Variants in GABBR2 observed in about 807,000 individuals in gnomAD.
GABBR2 encodes the protein gamma-aminobutyric acid type B receptor subunit 2.
GABBR2 carries 23 observed loss-of-function variants against 105.6 expected under a neutral mutation model. That is an observed-to-expected ratio of 0.22 (90% CI 0.16 to 0.31). The LOEUF (loss-of-function observed/expected upper bound fraction) is 0.31, where lower values mean the gene tolerates loss of function less well. Among genes scored for constraint, GABBR2 ranks in the 10% least tolerant of loss-of-function variants. The pLI, the probability that GABBR2 is intolerant of heterozygous loss-of-function variation, is 1.00. For missense variants in GABBR2, 734 were observed against 1,245.5 expected (o/e 0.59, Z 6.18); for synonymous variants, 478 against 499.7 (o/e 0.96, Z 0.58).
At chr9:98,585,238 A>C (rs990618094) in intron 1 of GABBR2, among the ~76,000 whole-genome samples, 1 of 152,038 alleles carries the variant, frequency 6.6e-6, no homozygotes, top group African/African-American at 2.4e-5. Flanking sequence ...CTTGGAACCA[A>C]CCTAAATGTC....
intron 2 of GABBR2, among the ~76,000 whole-genome samples, chr9:98,548,480 G>T (rs1376296377): frequency 8.7e-6 from 1 of 114,964 alleles, no homozygotes; most frequent in African/African-American, 2.8e-5. Flanking sequence ...TTTCATGTGG[G>T]AAGTCTCTGC....
intron 7 of GABBR2, among the ~76,000 whole-genome samples, chr9:98,418,502 T>A (rs1334642255): frequency 6.6e-6 from 1 of 151,966 alleles, no homozygotes; most frequent in Non-Finnish European, 1.5e-5. Flanking sequence ...GCCAGTGTAC[T>A]CCAGCCTGGG....
chr9:98,597,524 T>C (rs1157955072), intron 1 of GABBR2, among the ~76,000 whole-genome samples: 4 of 152,110 alleles, frequency 2.6e-5, no homozygotes, highest in African/African-American at 2.4e-5. Context: ...AGAGTTTACA[T>C]AACCAACTCC....
chr9:98,379,120 G>A (rs1420234014), intron 11 of GABBR2, among the ~76,000 whole-genome samples: 1 of 152,156 alleles, frequency 6.6e-6, no homozygotes, highest in Admixed American at 6.5e-5. Flanking sequence ...ACTCAAGGTG[G>A]CAGAGGCAAC....
chr9:98,306,020 A>T lies in GABBR2; in HGVS notation c.2229+101T>A. The T allele has an allele frequency of 1.3e-6, 1 of 761,846 alleles. No homozygotes were observed. The allele number at this position is 761,846 out of a possible 1,614,324, so 47.2% of individuals were successfully genotyped here. A position where few individuals can be genotyped will look rare whatever the true frequency, so the allele number is the denominator to read the frequency against. On this transcript the variant is annotated intron_variant, in intron 15 of 18. Transcript: ENST00000259455. The surrounding 1 kb of genome is among the most constrained non-coding windows in gnomAD (Gnocchi z 5.4). Reference sequence around the variant, plus strand: ...GTGAATTGTCTTCATCATAAAAAAAAAAAGGAATGGGTAAACCTTTTAGAG... The same window carrying T: ...GTGAATTGTCTTCATCATAAAAAAATAAAGGAATGGGTAAACCTTTTAGAG...
intron 2 of GABBR2, among the ~76,000 whole-genome samples, chr9:98,544,433 C>A (rs2082369270): frequency 6.6e-6 from 1 of 152,162 alleles, no homozygotes; most frequent in Non-Finnish European, 1.5e-5. Context: ...CCCGTAGAAA[C>A]CATCTTCTAA....
rs1830699565 is a variant in GABBR2 at position 98,315,501 on chromosome 9, C to T, written c.1894-4296G>A. On this transcript the variant is annotated intron_variant, in intron 13 of 18. Coordinates refer to ENST00000259455, the MANE Select transcript of GABBR2 (RefSeq NM_005458.8). ...GGGCATCTGGAAGAAAATCAAGTGACTCCTGCACTGAACCACAAAGCAGAC... is the reference window on the plus strand; with the variant it reads ...GGGCATCTGGAAGAAAATCAAGTGATTCCTGCACTGAACCACAAAGCAGAC... Among the ~76,000 whole-genome samples the T allele has an allele frequency of 1.3e-5, 2 of 152,226 alleles. 1 individual carries two copies. The highest frequency in any genetic ancestry group is 4.8e-5 in the African/African-American group (2 of 41,462).
intron 3 of GABBR2, among the ~76,000 whole-genome samples, chr9:98,521,710 A>T (rs1827869849): frequency 6.6e-6 from 1 of 152,162 alleles, no homozygotes; most frequent in Non-Finnish European, 1.5e-5. Flanking sequence ...GGTCATATAA[A>T]ATGTTATCAT....
intron 5 of GABBR2, among the ~76,000 whole-genome samples, chr9:98,476,066 A>AAAAC (rs751139617): frequency 6.6e-6 from 1 of 152,176 alleles, no homozygotes; most frequent in East Asian, 1.9e-4. Context: ...TCTGTCTCAA[A>AAAAC]AAACAAACAA....
At chr9:98,646,667 TGGTCTTGG>T (rs1477729519) in intron 1 of GABBR2, among the ~76,000 whole-genome samples, 2 of 152,182 alleles carry the variant, frequency 1.3e-5, no homozygotes, top group Admixed American at 6.5e-5. Context: ...TTCGTTCAGT[TGGTCTTGG>T]GTGACATTGT....
intron 2 of GABBR2, among the ~76,000 whole-genome samples, chr9:98,572,606 T>C (rs1003928213): frequency 6.6e-6 from 1 of 152,242 alleles, no homozygotes; most frequent in Non-Finnish European, 1.5e-5. Flanking sequence ...CCTCCCTGTG[T>C]TGGGGTTGGG....
At chr9:98,700,263 C>G (rs1371729479) in intron 1 of GABBR2, among the ~76,000 whole-genome samples, 1 of 152,168 alleles carries the variant, frequency 6.6e-6, no homozygotes, top group Non-Finnish European at 1.5e-5. Context: ...TCTGTGGCAG[C>G]CAACCAAGTA....
chr9:98,336,407 G>T (rs1036382), intron 13 of GABBR2, among the ~76,000 whole-genome samples: 1 of 152,084 alleles, frequency 6.6e-6, no homozygotes, highest in African/African-American at 2.4e-5. Context: ...TACGTCGTGC[G>T]TTTAAAAAAG....
chr9:98,599,984 G>A (rs1490864876), intron 1 of GABBR2, among the ~76,000 whole-genome samples: 1 of 152,194 alleles, frequency 6.6e-6, no homozygotes, highest in Non-Finnish European at 1.5e-5. Flanking sequence ...GGAATGCGAA[G>A]AGTCAATTAA....
intron 6 of GABBR2, among the ~76,000 whole-genome samples, chr9:98,463,540 T>C (rs1564078969): frequency 6.6e-6 from 1 of 152,092 alleles, no homozygotes; most frequent in Non-Finnish European, 1.5e-5. Flanking sequence ...TGAAAAACAA[T>C]GGAAAAGAAA....
chr9:98,299,247 A>G lies in GABBR2; in HGVS notation c.2519T>C (p.Leu840Pro). The G allele has an allele frequency of 6.2e-7, 1 of 1,614,110 alleles. No individual in the cohort carries two copies. The highest frequency in any genetic ancestry group is 8.5e-7 in the Non-Finnish European group (1 of 1,180,018). Residue 840 changes from leucine (L) to proline (P), a missense_variant, in exon 17 of 19, where the codon CTG becomes CCG. Transcript: ENST00000259455. ...ACCTGTGCTCTCAGTGAAGTTTCCC[A>G]GGTTGAGGATGTCATTGAGCTCTTG... ...HYQELNDILNLGNFTESTDGG... is the reference protein window; with the variant it reads ...HYQELNDILNPGNFTESTDGG...
intron 13 of GABBR2, among the ~76,000 whole-genome samples, chr9:98,326,080 T>C (rs145339686): frequency 0.013 from 1,942 of 152,292 alleles, 20 homozygotes; most frequent in Non-Finnish European, 0.018. Flanking sequence ...GTGACCTTAA[T>C]GATCTCACGA....
chr9:98,383,372 T>C (rs1832013403), intron 11 of GABBR2, among the ~76,000 whole-genome samples: 1 of 151,952 alleles, frequency 6.6e-6, no homozygotes, highest in Non-Finnish European at 1.5e-5. Context: ...GTATTCACCT[T>C]CTTCACTCCC....
chr9:98,401,961 T>A (rs540402191), intron 8 of GABBR2, among the ~76,000 whole-genome samples: 1 of 152,158 alleles, frequency 6.6e-6, no homozygotes. Context: ...GAAGACCAAA[T>A]GGTAATTAAT....
Sources: gnomAD v4.1 joint callset for allele counts (sites outside exome capture counted in the v4.1 genomes callset) on GRCh38, gnomAD v4.1.1 for gene constraint, Gnocchi (gnomAD v3.1) non-coding constraint, MANE v1.5 for transcripts, NCBI Gene and HGNC (gene_info 2026-07-23, HGNC 2026-07-21) for gene names.